VPS37C: variants seen among roughly 807,000 people sequenced by gnomAD.
VPS37C encodes VPS37C subunit of ESCRT-I.
VPS37C carries 9 observed loss-of-function variants against 16.1 expected under a neutral mutation model. That is an observed-to-expected ratio of 0.56 (90% CI 0.34 to 0.97). The LOEUF (loss-of-function observed/expected upper bound fraction) is 0.97, where lower values mean the gene tolerates loss of function less well. VPS37C is among the 50% of genes least tolerant of loss of function. The pLI is 0.02. For missense variants in VPS37C, 479 were observed against 472.7 expected (o/e 1.01, Z -0.12); for synonymous variants, 207 against 206.4 (o/e 1.00, Z -0.02).
chr11:61,136,706 G>A (rs753933603), intron 2 of VPS37C, among the ~76,000 whole-genome samples: 7 of 152,194 alleles, frequency 4.6e-5, no homozygotes, highest in South Asian at 2.1e-4. Context: ...TGGAAATAAG[G>A]AGGAAGAATC....
intron 4 of VPS37C, chr11:61,132,888 C>A (rs147463657): frequency 1.5e-5 from 8 of 526,324 alleles, no homozygotes; most frequent in Non-Finnish European, 2.7e-5. Context: ...TCCACCCAGA[C>A]ACAGAGTGGA....
chr11:61,150,093 C>T (rs997177037), intron 1 of VPS37C, among the ~76,000 whole-genome samples: 2 of 152,044 alleles, frequency 1.3e-5, no homozygotes, highest in African/African-American at 2.4e-5. Context: ...TGCATTCCAG[C>T]ATTCCTAGAT....
At chr11:61,148,866 TG>T (rs1853255479) in intron 1 of VPS37C, among the ~76,000 whole-genome samples, 1 of 152,220 alleles carries the variant, frequency 6.6e-6, no homozygotes, top group African/African-American at 2.4e-5. Flanking sequence ...CCCAAGTAGC[TG>T]GGAGTCCAGG....
chr11:61,149,632 C>A (rs145116175), intron 1 of VPS37C, among the ~76,000 whole-genome samples: 1 of 152,314 alleles, frequency 6.6e-6, no homozygotes, highest in East Asian at 1.9e-4. Flanking sequence ...TGGACGGAAG[C>A]AAAGGATGTG....
chr11:61,133,239 C>T lies in VPS37C; in HGVS notation c.348+16G>A, dbSNP rs369223277. 22 of 1,613,548 alleles carry T rather than the reference C, an allele frequency of 1.4e-5. No individual in the cohort carries two copies. The highest frequency in any genetic ancestry group is 1.2e-5 in the Non-Finnish European group (14 of 1,179,736). ...CACCCCGTCCAGGGAAGAGGGGTGT[C>T]GCCTCGCCCTCTCACCTCGGACTCT... is the stretch of plus-strand genomic sequence containing the variant. On this transcript the variant is annotated intron_variant, in intron 4 of 4. Transcript: ENST00000301765.
intron 1 of VPS37C, among the ~76,000 whole-genome samples, chr11:61,147,763 G>C (rs1853236931): frequency 6.6e-6 from 1 of 151,760 alleles, no homozygotes; most frequent in African/African-American, 2.4e-5. Context: ...TGAGATGAGA[G>C]TGTGGCATGC....
Position 61,132,266 on chromosome 11 carries a change from TGTAGGGCAAAGG to T in VPS37C, c.610_621del (p.Pro204_Tyr207del). The T allele has an allele frequency of 6.5e-7, 1 of 1,539,676 alleles. No individual in the cohort carries two copies. The highest frequency in any genetic ancestry group is 8.8e-7 in the Non-Finnish European group (1 of 1,141,810). On this transcript the variant is annotated inframe_deletion, in exon 5 of 5. Coordinates refer to ENST00000301765, the MANE Select transcript of VPS37C (RefSeq NM_017966.5). ...CCCACAGGCAGGCTGGGGGATGGGC[TGTAGGGCAAAGG>T]GTAGGGAGGCATGGCTAATGGTGGC... is the stretch of plus-strand genomic sequence containing the variant.
At chr11:61,138,985 G>A in intron 1 of VPS37C, 150 bp from the exon 2 acceptor site, 1 of 708,688 alleles carries the variant, frequency 1.4e-6, no homozygotes. Context: ...AGAAATCTCT[G>A]AGAGCACATT....
chr11:61,159,818 G>T (rs1853439483), intron 1 of VPS37C, among the ~76,000 whole-genome samples: 1 of 138,868 alleles, frequency 7.2e-6, no homozygotes, highest in Non-Finnish European at 1.5e-5. Flanking sequence ...CAGGAGAATC[G>T]CTTGAACCAG....
intron 1 of VPS37C, among the ~76,000 whole-genome samples, chr11:61,159,993 C>A: frequency 6.6e-6 from 1 of 151,174 alleles, no homozygotes; most frequent in Admixed American, 6.6e-5. Flanking sequence ...CCGCAACTCA[C>A]TTCATCTGTA....
intron 1 of VPS37C, among the ~76,000 whole-genome samples, chr11:61,142,975 T>TAAAAAAAAAAAAAAAAAAAAAAAAGAAA (rs1861500308): frequency 2.1e-5 from 1 of 47,590 alleles, no homozygotes; most frequent in African/African-American, 7.5e-5. Flanking sequence ...AAAGAATAGC[T>TAAAAAAAAAAAAAAAAAAAAAAAAGAAA]AAAAAAAAAA....
chr11:61,159,724 A>T (rs984291265), intron 1 of VPS37C, among the ~76,000 whole-genome samples: 1 of 81,212 alleles, frequency 1.2e-5, no homozygotes, highest in Non-Finnish European at 2.5e-5. Context: ...AAAAAAAAAT[A>T]AATAAATAAA....
intron 1 of VPS37C, among the ~76,000 whole-genome samples, chr11:61,142,959 A>T (rs1861498438): frequency 1.3e-5 from 2 of 148,930 alleles, no homozygotes; most frequent in South Asian, 4.2e-4. Flanking sequence ...TATAATAAAA[A>T]AAAAAAAAGA....
intron 2 of VPS37C, among the ~76,000 whole-genome samples, chr11:61,135,126 T>C (rs1861343957): frequency 6.6e-6 from 1 of 152,080 alleles, no homozygotes. Context: ...AGGCCCTCAC[T>C]GTGCAGCTTC....
intron 2 of VPS37C, among the ~76,000 whole-genome samples, chr11:61,135,124 ACTGTGCAGCTTCT>A (rs535290568): frequency 3.8e-4 from 58 of 152,290 alleles, no homozygotes; most frequent in African/African-American, 1.2e-3. Context: ...TCAGGCCCTC[ACTGTGCAGCTTCT>A]CTGTGCAGCT....
intron 1 of VPS37C, among the ~76,000 whole-genome samples, chr11:61,148,340 A>T (rs1306860395): frequency 6.6e-6 from 1 of 152,168 alleles, no homozygotes; most frequent in African/African-American, 2.4e-5. Flanking sequence ...CACCTATGGT[A>T]CCAGAAGAAG....
chr11:61,131,916 G>A lies in VPS37C; in HGVS notation c.972C>T (p.Pro324=), dbSNP rs1047494409. Residue 324 remains proline (P), a synonymous_variant, in exon 5 of 5, where the codon CCC becomes CCT. Transcript: ENST00000301765. The part of the protein sequence containing the change: ...QPQLPSFPGQ[P]QPSVPLQPPY... Reference sequence around the variant, plus strand: ...GGGGCTGCAGGGGCACTGAGGGCTGGGGCTGGCCTGGAAAGCTGGGGAGCT... The same window carrying A: ...GGGGCTGCAGGGGCACTGAGGGCTGAGGCTGGCCTGGAAAGCTGGGGAGCT... The A allele has an allele frequency of 4.6e-6, 6 of 1,294,598 alleles. No homozygotes were observed. Among genetic ancestry groups the A allele is most frequent in the South Asian group, 2.9e-5 (1 of 34,242 alleles). 80.2% of individuals were successfully genotyped at this position (1,294,598 alleles called of 1,614,324 possible).
At chr11:61,149,839 C>T (rs1853270758) in intron 1 of VPS37C, among the ~76,000 whole-genome samples, 1 of 152,182 alleles carries the variant, frequency 6.6e-6, no homozygotes, top group African/African-American at 2.4e-5. Flanking sequence ...GAGGCAGGGC[C>T]GTCAAGTGAG....
At position 61,132,361 on chromosome 11, in the gene VPS37C, G is replaced by A. The variant is rs1321568161; in HGVS notation, c.527C>T (p.Pro176Leu). The part of the protein sequence containing the change: ...LAGDAPPPRP[P>L]PPVRPVPQGT... ...CTGGGGGACTGGGCGCACCGGGGGTGGTGGACGGGGTGGAGGGGCATCGCC... is the reference window on the plus strand; with the variant it reads ...CTGGGGGACTGGGCGCACCGGGGGTAGTGGACGGGGTGGAGGGGCATCGCC... Residue 176 changes from proline to leucine, a missense_variant, in exon 5 of 5, where the codon CCA (proline) becomes CTA (leucine). Coordinates refer to ENST00000301765, the MANE Select transcript of VPS37C (RefSeq NM_017966.5). 1.3e-6 allele frequency: 2 copies of A among 1,598,632 alleles called. No homozygotes were observed. Among genetic ancestry groups the A allele is most frequent in the Non-Finnish European group, 1.7e-6 (2 of 1,172,450 alleles).
Sources: allele counts gnomAD v4.1 joint callset (sites outside exome capture counted in the v4.1 genomes callset), GRCh38; gene constraint gnomAD v4.1.1; transcripts MANE v1.5; gene names NCBI Gene and HGNC (gene_info 2026-07-23, HGNC 2026-07-21).